Variants in COL4A4 observed in about 807,000 individuals in gnomAD.
COL4A4 encodes the protein collagen alpha-4(IV) chain.
A neutral mutation model predicts 192.9 loss-of-function variants in COL4A4; 105 were observed. That is an observed-to-expected ratio of 0.54 (90% confidence interval 0.46 to 0.64). The LOEUF is 0.64. Ranked by LOEUF, COL4A4 falls within the 30% of genes least tolerant of loss-of-function variation. COL4A4 has a pLI of 0.00. For missense variants in COL4A4, 1,967 were observed against 2,169.3 expected (o/e 0.91, Z 1.85); for synonymous variants, 762 against 769.9 (o/e 0.99, Z 0.17).
downstream of COL4A4, among the ~76,000 whole-genome samples, chr2:227,002,019 A>AAATT (rs1281649195): frequency 2.6e-5 from 4 of 152,120 alleles, no homozygotes; most frequent in African/African-American, 9.6e-5. Flanking sequence ...TAAAAATTAA[A>AAATT]AATTAACCAG....
intron 4 of COL4A4, 52 bp downstream of exon 4, chr2:227,140,109 C>T (rs972520506): frequency 3.4e-6 from 5 of 1,481,230 alleles, no homozygotes; most frequent in African/African-American, 1.4e-5. Context: ...TAAATATTCA[C>T]AAGTTCTCAA....
chr2:227,010,262 C>T (rs1161774817), intron 46 of COL4A4, 51 bp downstream of exon 46: 1 of 1,584,916 alleles, frequency 6.3e-7, no homozygotes, highest in Non-Finnish European at 8.7e-7. Context: ...GTAAAATTAA[C>T]CCCAAATTTT....
the COL4A4 span, chr2:226,988,487 AG>A: frequency 2.6e-6 from 4 of 1,541,544 alleles, no homozygotes; most frequent in Non-Finnish European, 3.5e-6. Context: ...AGTGGAGTTG[AG>A]CAAAGACTCA....
chr2:227,045,817 C>T (rs1401744185), intron 35 of COL4A4, among the ~76,000 whole-genome samples: 10 of 33,740 alleles, frequency 3.0e-4, no homozygotes, highest in South Asian at 1.4e-3. Flanking sequence ...TATATATATA[C>T]ACATATATAT....
intron 20 of COL4A4, among the ~76,000 whole-genome samples, chr2:227,090,874 TAAA>T (rs61653413): frequency 1.6e-5 from 2 of 124,104 alleles, no homozygotes; most frequent in Admixed American, 8.2e-5. Context: ...GGCAGATCCT[TAAA>T]AAAAAAAAAA....
In COL4A4 at chr2:227,082,168, C is replaced by G; in HGVS notation, c.1643G>C (p.Gly548Ala). 1 of 1,614,072 alleles carries G rather than the reference C, an allele frequency of 6.2e-7. No homozygotes were observed. Among genetic ancestry groups the G allele is most frequent in the Non-Finnish European group, 8.5e-7 (1 of 1,179,968 alleles). The stretch of plus-strand genomic sequence containing the variant: ...CTTCGCCCCTTTGTTGCCAGGTGGT[C>G]CAGAGGCACCATGCTTTCCCTTGGT... Reference protein sequence around the residue: ...PGLPGKHGASGPPGNKGAKGD... With the variant: ...PGLPGKHGASAPPGNKGAKGD... Residue 548 changes from glycine (G) to alanine (A), a missense_variant, in exon 23 of 48, where the codon GGA becomes GCA. Coordinates refer to ENST00000396625, the MANE Select transcript of COL4A4 (RefSeq NM_000092.5).
chr2:227,023,142 T>C (rs967502995), intron 43 of COL4A4, among the ~76,000 whole-genome samples: 1 of 152,046 alleles, frequency 6.6e-6, no homozygotes, highest in African/African-American at 2.4e-5. Flanking sequence ...TCTGGGAATC[T>C]CACTTTGAAA....
At chr2:226,985,248 A>G in the COL4A4 span, among the ~76,000 whole-genome samples, 3 of 152,168 alleles carry the variant, frequency 2.0e-5, no homozygotes, top group East Asian at 1.9e-4. Context: ...TCATATCCAT[A>G]TCTGTATCTA....
intron 25 of COL4A4, among the ~76,000 whole-genome samples, chr2:227,073,791 TG>T (rs1276032216): frequency 3.3e-5 from 5 of 151,848 alleles, no homozygotes; most frequent in African/African-American, 7.3e-5. Flanking sequence ...AACAAAAAAT[TG>T]GGGGGTGGAC....
At chr2:227,100,854 G>A (rs2150763650) in intron 17 of COL4A4, among the ~76,000 whole-genome samples, 1 of 151,626 alleles carries the variant, frequency 6.6e-6, no homozygotes, top group Non-Finnish European at 1.5e-5. Context: ...GCCCAGGATG[G>A]AGTGCAGTGG....
intron 1 of COL4A4, among the ~76,000 whole-genome samples, chr2:227,156,296 G>A (rs1277813530): frequency 6.6e-6 from 1 of 151,880 alleles, no homozygotes; most frequent in East Asian, 1.9e-4. Flanking sequence ...CTACGTGGGA[G>A]GCTGAGGTGG....
intron 1 of COL4A4, among the ~76,000 whole-genome samples, chr2:227,154,723 CT>C (rs1434901489): frequency 6.6e-6 from 1 of 152,196 alleles, no homozygotes; most frequent in Non-Finnish European, 1.5e-5. Context: ...GAATATTCAG[CT>C]TTTGTAGAGA....
At chr2:227,065,251 G>A (rs1002819073) in intron 25 of COL4A4, among the ~76,000 whole-genome samples, 10 of 152,182 alleles carry the variant, frequency 6.6e-5, no homozygotes, top group Non-Finnish European at 1.5e-4. Context: ...CAGGCTGATT[G>A]CTAGCACAGC....
At chr2:227,063,121 G>C (rs897918577) in intron 25 of COL4A4, among the ~76,000 whole-genome samples, 2 of 152,138 alleles carry the variant, frequency 1.3e-5, no homozygotes, top group African/African-American at 4.8e-5. Flanking sequence ...TTGAGGGTTG[G>C]TGCTTCAAGT....
intron 7 of COL4A4, among the ~76,000 whole-genome samples, chr2:227,114,982 A>T (rs2061412829): frequency 6.6e-6 from 1 of 152,176 alleles, no homozygotes. Flanking sequence ...TATAAAACAC[A>T]TGCATTGTTC....
intron 44 of COL4A4, 75 bp downstream of exon 44, chr2:227,021,973 A>G: frequency 1.3e-6 from 2 of 1,542,104 alleles, no homozygotes; most frequent in Non-Finnish European, 1.8e-6. Context: ...ATAAAAAGCT[A>G]CAAAATAAAA....
chr2:227,007,722 C>G, intron 47 of COL4A4, 134 bp from the exon 48 acceptor site: 1 of 1,274,648 alleles, frequency 7.8e-7, no homozygotes, highest in Non-Finnish European at 1.1e-6. Context: ...AAAATACAAG[C>G]GCTGAAAAGG....
chr2:227,125,400 G>A (rs1221198000), intron 4 of COL4A4, among the ~76,000 whole-genome samples: 1 of 151,808 alleles, frequency 6.6e-6, no homozygotes, highest in Non-Finnish European at 1.5e-5. Context: ...GTAGAGACTG[G>A]GTTTCACTGT....
In COL4A4 at chr2:227,114,668, C is replaced by T; in HGVS notation, c.518G>A (p.Gly173Glu). ...LGHPGEKGEK[G>E]NSVFILGAVK... ...GGCACCTAAAATGAACACTGAATTT[C>T]CTTTTTCTCCCTTTTCCCCAGGATG... The change falls in exon 8 of 48, where the codon GGA becomes GAA. Residue 173 changes from glycine to glutamate, a missense_variant. Transcript: ENST00000396625. The T allele has an allele frequency of 6.2e-7, 1 of 1,613,908 alleles. No homozygotes were observed. The highest frequency in any genetic ancestry group is 8.5e-7 in the Non-Finnish European group (1 of 1,179,800).
Sources: allele counts gnomAD v4.1 joint callset (sites outside exome capture counted in the v4.1 genomes callset), GRCh38; gene constraint gnomAD v4.1.1; transcripts MANE v1.5; gene names NCBI Gene and HGNC (gene_info 2026-07-23, HGNC 2026-07-21).